Variants in KIF1B observed in about 807,000 individuals in gnomAD.
The protein encoded by KIF1B is kinesin family member 1B.
In KIF1B, 76 loss-of-function variants were observed where a neutral mutation model predicts 241.9. That is an observed-to-expected ratio of 0.31 (90% CI 0.26 to 0.38). The LOEUF is 0.38. Ranked by LOEUF, KIF1B falls within the 10% of genes least tolerant of loss-of-function variation. The probability of loss-of-function intolerance (pLI) is 1.00; values close to 1 mark genes in which losing one functional copy is unlikely to be tolerated. For missense variants in KIF1B, 1,622 were observed against 2,271.4 expected (o/e 0.71, Z 5.81); for synonymous variants, 750 against 796.7 (o/e 0.94, Z 0.99).
intron 33 of KIF1B, among the ~76,000 whole-genome samples, chr1:10,342,826 GT>G (rs902054123): frequency 1.7e-4 from 26 of 152,034 alleles, no homozygotes; most frequent in Admixed American, 6.6e-4. Flanking sequence ...ATTACAAAAA[GT>G]TTTTTTTCTT....
Position 10,375,330 on chromosome 1 carries a change from G to A in KIF1B, c.5365G>A (p.Asp1789Asn), listed in dbSNP as rs1227406266. ...GGCCCTCAATGACAAAGACATGAAC[G>A]ACTGGTTGTATGCCTTCAACCCACT... ...LQALNDKDMN[D>N]WLYAFNPLLA... Residue 1789 changes from aspartate (D) to asparagine (N), a missense_variant, in exon 48 of 49, where the codon GAC becomes AAC. This residue lies in a region of KIF1B where 357 missense variants were observed against 409.0 expected (regional missense o/e 0.87). Coordinates refer to ENST00000676179, the MANE Select transcript of KIF1B (RefSeq NM_001365951.3). 1.2e-6 allele frequency: 2 copies of A among 1,614,072 alleles called. No homozygotes were observed. Among genetic ancestry groups the A allele is most frequent in the South Asian group, 1.1e-5 (1 of 91,070 alleles).
chr1:10,267,387 A>G lies in KIF1B; in HGVS notation c.437A>G (p.Tyr146Cys). 6.2e-7 allele frequency: 1 copy of G among 1,614,036 alleles called. No homozygotes were observed. The highest frequency in any genetic ancestry group is 8.5e-7 in the Non-Finnish European group (1 of 1,179,878). ...TTACTAATTTGTTCATAGGTGAGCT[A>G]CATGGAAATTTACTGTGAAAGAGTA... ...EEMSYSVEVS[Y>C]MEIYCERVRD... The change falls in exon 6 of 49, where the codon TAC (tyrosine) becomes TGC (cysteine). Residue 146 changes from tyrosine (Y) to cysteine (C), a missense_variant. By Grantham distance (194) the Tyr-to-Cys change is radical (BLOSUM62 -2). Coordinates refer to ENST00000676179, the MANE Select transcript of KIF1B (RefSeq NM_001365951.3).
Position 10,282,667 on chromosome 1 carries a change from A to C in KIF1B, c.1434+134A>C, listed in dbSNP as rs1194857108. ...CTCTTAGAAGTGTCCTGAAAATTGA[A>C]TTTTGTGCTTTGTAAGTTAATTTCT... On this transcript the variant is annotated intron_variant, in intron 15 of 48. Coordinates refer to ENST00000676179, the MANE Select transcript of KIF1B (RefSeq NM_001365951.3). 4 of 785,548 alleles carry C rather than the reference A, an allele frequency of 5.1e-6. No homozygotes were observed. In the East Asian group the frequency reaches 1.1e-4, roughly 21 times the overall value. 48.7% of individuals were successfully genotyped at this position (785,548 alleles called of 1,614,324 possible).
intron 38 of KIF1B, among the ~76,000 whole-genome samples, chr1:10,359,634 C>CT (rs562036539): frequency 4.0e-5 from 6 of 148,284 alleles, no homozygotes; most frequent in Admixed American, 1.3e-4. Context: ...TTTCAAATGG[C>CT]TTTTTTTTTT....
chr1:10,212,618 C>G (rs1646707038), intron 1 of KIF1B, among the ~76,000 whole-genome samples: 1 of 152,050 alleles, frequency 6.6e-6, no homozygotes, highest in African/African-American at 2.4e-5. Context: ...TGTGGTGGCT[C>G]ATGCCTTGTA....
intron 45 of KIF1B, among the ~76,000 whole-genome samples, chr1:10,372,186 A>C (rs557289187): frequency 3.3e-5 from 5 of 152,284 alleles, no homozygotes; most frequent in African/African-American, 9.6e-5. Context: ...AGAGAAGAAG[A>C]AAAAGCACTG....
intron 10 of KIF1B, among the ~76,000 whole-genome samples, chr1:10,273,325 G>A (rs1242374851): frequency 2.0e-5 from 3 of 152,158 alleles, no homozygotes; most frequent in Non-Finnish European, 4.4e-5. Flanking sequence ...AGGCCAAGGC[G>A]GGCGGATCAT....
intron 27 of KIF1B, among the ~76,000 whole-genome samples, chr1:10,329,673 C>T (rs1022001992): frequency 6.6e-6 from 1 of 152,022 alleles, no homozygotes; most frequent in Non-Finnish European, 1.5e-5. Flanking sequence ...GGGGAGGTTG[C>T]AGTGAGCCGA....
chr1:10,260,634 G>T lies in KIF1B; in HGVS notation c.364-1271G>T, dbSNP rs1000892961. ...AATCCCATCACTTTGGGAGGCCAAGGCGGGTGGATCACTGGAGGTCAGGAG... is the reference window on the plus strand; with the variant it reads ...AATCCCATCACTTTGGGAGGCCAAGTCGGGTGGATCACTGGAGGTCAGGAG... On this transcript the variant is annotated intron_variant, in intron 4 of 48. Coordinates refer to ENST00000676179, the MANE Select transcript of KIF1B (RefSeq NM_001365951.3). 3.0e-4 allele frequency among the ~76,000 whole-genome samples: 46 copies of T among 152,102 alleles called. 2 individuals are homozygous for T. Among genetic ancestry groups the T allele is most frequent in the Admixed American group, 2.9e-3 (45 of 15,274 alleles).
chr1:10,299,053 G>A (rs754463927), intron 22 of KIF1B: 3 of 140,504 alleles, frequency 2.1e-5, no homozygotes, highest in Non-Finnish European at 4.6e-5. Context: ...ACGCAAATTC[G>A]TGAAGCGTTC....
intron 44 of KIF1B, 52 bp downstream of exon 44, chr1:10,368,590 C>A: frequency 6.9e-7 from 1 of 1,457,236 alleles, no homozygotes; most frequent in Non-Finnish European, 9.6e-7. Flanking sequence ...CTGATTTCTC[C>A]ACAGCAGCCC....
chr1:10,375,078 C>T, intron 47 of KIF1B, 32 bp downstream of exon 47: 1 of 1,600,028 alleles, frequency 6.2e-7, no homozygotes, highest in Non-Finnish European at 8.6e-7. Flanking sequence ...TTTCTTATTG[C>T]CACGTGTGCC....
intron 24 of KIF1B, among the ~76,000 whole-genome samples, chr1:10,322,871 A>G (rs1318156002): frequency 6.6e-6 from 1 of 152,246 alleles, no homozygotes; most frequent in African/African-American, 2.4e-5. Context: ...AGGGAGAAAT[A>G]AATGATGCAA....
At chr1:10,229,886 A>AAG (rs1646958105) in intron 1 of KIF1B, among the ~76,000 whole-genome samples, 1 of 148,240 alleles carries the variant, frequency 6.7e-6, no homozygotes, top group East Asian at 2.0e-4. Flanking sequence ...AAAAAAAAAA[A>AAG]AAAAAAAAAG....
chr1:10,256,830 G>A (rs189401982), intron 3 of KIF1B, among the ~76,000 whole-genome samples: 1 of 152,004 alleles, frequency 6.6e-6, no homozygotes, highest in African/African-American at 2.4e-5. Context: ...TCCCGCCTCA[G>A]CCTCCCGAGT....
In KIF1B at chr1:10,365,741, T is replaced by A; in HGVS notation, c.4752+93T>A. 2 of 1,536,112 alleles carry A rather than the reference T, an allele frequency of 1.3e-6. No individual in the cohort carries two copies. Among genetic ancestry groups the A allele is most frequent in the Middle Eastern group, 1.8e-4 (1 of 5,602 alleles). On this transcript the variant is annotated intron_variant, in intron 43 of 48. Transcript: ENST00000676179. This position sits in a 1 kb window ranked among gnomAD's most constrained non-coding sequence, Gnocchi z 4.0. ...TCATTTTCAACACCTTTGTTCGAGG[T>A]GTTTGAAGGCCTGTGATAATACTGT...
In KIF1B at chr1:10,337,771, C is replaced by G. The variant is rs1348153680; in HGVS notation, c.3422+238C>G. ...CTGCACATCCTGCTGCAGGGCTCTGCTGTGAGCGGTCCCCCTTTACCAGGA... is the reference window on the plus strand; with the variant it reads ...CTGCACATCCTGCTGCAGGGCTCTGGTGTGAGCGGTCCCCCTTTACCAGGA... On this transcript the variant is annotated intron_variant, in intron 31 of 48. Transcript: ENST00000676179. This position sits in a 1 kb window ranked among gnomAD's most constrained non-coding sequence, Gnocchi z 4.0. Among the ~76,000 whole-genome samples the G allele has an allele frequency of 6.6e-6, 1 of 152,202 alleles. No individual in the cohort carries two copies. Among genetic ancestry groups the G allele is most frequent in the Non-Finnish European group, 1.5e-5 (1 of 68,036 alleles).
Position 10,305,943 on chromosome 1 carries a change from C to A in KIF1B, c.2115+8697C>A, listed in dbSNP as rs976546526. 2.1e-5 allele frequency: 22 copies of A among 1,054,136 alleles called. No individual in the cohort carries two copies. In the African/African-American group the frequency reaches 2.6e-4, roughly 13 times the overall value. 65.3% of individuals were successfully genotyped at this position (1,054,136 alleles called of 1,614,324 possible). A position where few individuals can be genotyped will look rare whatever the true frequency, so the allele number is the denominator to read the frequency against. On this transcript the variant is annotated intron_variant, in intron 22 of 48. Transcript: ENST00000676179. ...AGATTCCTAAGTCACATGAAATCATCTATCAAACACTTGTCTTCCAAACGG... is the reference window on the plus strand; with the variant it reads ...AGATTCCTAAGTCACATGAAATCATATATCAAACACTTGTCTTCCAAACGG...
At position 10,336,522 on chromosome 1, in the gene KIF1B, A is replaced by G. The variant is rs1652185697; in HGVS notation, c.3044-135A>G. 15 of 760,352 alleles carry G rather than the reference A, an allele frequency of 2.0e-5. No homozygotes were observed. The South Asian group carries it at 2.1e-4, about 11-fold the overall frequency. 47.1% of individuals were successfully genotyped at this position (760,352 alleles called of 1,614,324 possible). The stretch of plus-strand genomic sequence containing the variant: ...AATCTACATGAATAGAGTGCGAAGC[A>G]GCCCATGCCGTGTTACTACTTTGGT... On this transcript the variant is annotated intron_variant, in intron 28 of 48. Transcript: ENST00000676179.
Sources: allele counts gnomAD v4.1 joint callset (sites outside exome capture counted in the v4.1 genomes callset), GRCh38; gene constraint gnomAD v4.1.1; regional missense constraint gnomAD v4.1.1; non-coding constraint Gnocchi (gnomAD v3.1); transcripts MANE v1.5; gene names NCBI Gene and HGNC (gene_info 2026-07-23, HGNC 2026-07-21).